LRRIQ3: variants seen among roughly 807,000 people sequenced by gnomAD.
LRRIQ3 encodes the protein leucine rich repeats and IQ motif containing 3.
In LRRIQ3, 75 loss-of-function variants were observed where a neutral mutation model predicts 59.3. The observed-to-expected ratio is 1.26, with a 90% confidence interval of 1.05 to 1.53. LRRIQ3 has a LOEUF of 1.53. LRRIQ3 is among the 40% of genes most tolerant of loss of function. LRRIQ3 has a pLI of 0.00. For synonymous variants in LRRIQ3, 250 were observed against 231.3 expected, an observed-to-expected ratio of 1.08 and a Z score of -0.73; for missense variants, 831 against 710.0, an observed-to-expected ratio of 1.17 and a Z score of -1.94.
At chr1:74,060,170 C>T (rs1654659873) in intron 6 of LRRIQ3, among the ~76,000 whole-genome samples, 2 of 150,228 alleles carry the variant, frequency 1.3e-5, no homozygotes, top group Admixed American at 1.3e-4. Flanking sequence ...TCTTCGTCGT[C>T]ATCTTCTTCT....
intron 4 of LRRIQ3, among the ~76,000 whole-genome samples, chr1:74,134,909 T>A (rs1466979589): frequency 6.6e-6 from 1 of 151,932 alleles, no homozygotes; most frequent in Non-Finnish European, 1.5e-5. Flanking sequence ...AAATAATAAT[T>A]TTAAATGAGA....
Position 74,139,071 on chromosome 1 carries a change from T to C in LRRIQ3, c.707+16662A>G, listed in dbSNP as rs182369251. Among the ~76,000 whole-genome samples the C allele has an allele frequency of 2.0e-3, 303 of 150,498 alleles. 1 individual carries two copies. The highest frequency in any genetic ancestry group is 5.7e-3 in the African/African-American group (232 of 40,952). ...GTATTTATGTGTATATATATATATA[T>C]ACACATATATGTATGTGTGTGTGTA... On this transcript the variant is annotated intron_variant, in intron 4 of 7. Transcript: ENST00000354431.
At chr1:74,173,973 G>T (rs988278739) in intron 3 of LRRIQ3, among the ~76,000 whole-genome samples, 6 of 151,986 alleles carry the variant, frequency 3.9e-5, no homozygotes, top group Admixed American at 3.3e-4. Flanking sequence ...CAGCCCACAA[G>T]GTTTCTGATG....
intron 4 of LRRIQ3, among the ~76,000 whole-genome samples, chr1:74,153,972 T>C (rs1264620181): frequency 6.6e-6 from 1 of 151,954 alleles, no homozygotes; most frequent in Non-Finnish European, 1.5e-5. Context: ...CTGGGCGCGG[T>C]AGTTCACGCT....
intron 3 of LRRIQ3, among the ~76,000 whole-genome samples, chr1:74,163,947 A>G (rs776788437): frequency 2.0e-5 from 3 of 151,264 alleles, no homozygotes; most frequent in Non-Finnish European, 3.0e-5. Context: ...AATAGTATGT[A>G]GTAATATCTC....
intron 3 of LRRIQ3, among the ~76,000 whole-genome samples, chr1:74,167,915 G>C (rs183554784): frequency 1.9e-4 from 29 of 151,980 alleles, no homozygotes; most frequent in African/African-American, 6.0e-4. Flanking sequence ...TTATCTTTCT[G>C]TCATCAGATA....
intron 4 of LRRIQ3, among the ~76,000 whole-genome samples, chr1:74,146,320 A>G (rs192791548): frequency 5.3e-5 from 8 of 152,324 alleles, no homozygotes; most frequent in African/African-American, 1.9e-4. Flanking sequence ...ATGTTAGTGT[A>G]CCATTATATA....
At chr1:74,054,932 A>G (rs1037514571) in intron 6 of LRRIQ3, among the ~76,000 whole-genome samples, 1 of 147,542 alleles carries the variant, frequency 6.8e-6, no homozygotes, top group Non-Finnish European at 1.5e-5. Flanking sequence ...GTATAATTGT[A>G]TTACATATTA....
intron 3 of LRRIQ3, chr1:74,180,621 C>T: frequency 8.7e-7 from 1 of 1,144,850 alleles, no homozygotes; most frequent in Non-Finnish European, 1.2e-6. Flanking sequence ...TCTCCTCTTT[C>T]CACACTCAGT....
At chr1:74,054,930 G>T (rs1202098860) in intron 6 of LRRIQ3, among the ~76,000 whole-genome samples, 2 of 145,582 alleles carry the variant, frequency 1.4e-5, no homozygotes, top group Non-Finnish European at 3.0e-5. Flanking sequence ...ATGTATAATT[G>T]TATTACATAT....
At position 74,081,275 on chromosome 1, in the gene LRRIQ3, G is replaced by A. The variant is rs189777152; in HGVS notation, c.868-6485C>T. On this transcript the variant is annotated intron_variant, in intron 5 of 7. Coordinates refer to ENST00000354431, the MANE Select transcript of LRRIQ3 (RefSeq NM_001105659.2). ...CACACAACTTAGCCAAGAAATGAGG[G>A]CACCTGAATATTATATTATGCTGCA... Among the ~76,000 whole-genome samples the A allele has an allele frequency of 2.5e-3, 374 of 151,554 alleles. 1 individual carries two copies. The highest frequency in any genetic ancestry group is 0.02 in the Middle Eastern group (6 of 294).
intron 2 of LRRIQ3, 51 bp downstream of exon 2, chr1:74,183,385 T>C: frequency 6.8e-7 from 1 of 1,471,400 alleles, no homozygotes; most frequent in Non-Finnish European, 9.1e-7. Context: ...GTACTTATTA[T>C]AAGACTGAAA....
intron 1 of LRRIQ3, among the ~76,000 whole-genome samples, chr1:74,187,485 A>G (rs1650478779): frequency 6.6e-6 from 1 of 152,090 alleles, no homozygotes; most frequent in Non-Finnish European, 1.5e-5. Flanking sequence ...TAACTCAGGA[A>G]TGGAAAACCA....
At chr1:74,196,482 C>T (rs538383564) in intron 1 of LRRIQ3, among the ~76,000 whole-genome samples, 7 of 152,244 alleles carry the variant, frequency 4.6e-5, no homozygotes, top group African/African-American at 1.2e-4. Context: ...GAATTCTAGA[C>T]TCGTATGTAT....
chr1:74,192,658 C>T (rs1210851882), intron 1 of LRRIQ3, among the ~76,000 whole-genome samples: 1 of 151,898 alleles, frequency 6.6e-6, no homozygotes, highest in African/African-American at 2.4e-5. Flanking sequence ...TATGTATTTG[C>T]CAGTATATAA....
At chr1:74,156,707 T>G (rs1648350534) in intron 3 of LRRIQ3, among the ~76,000 whole-genome samples, 1 of 152,162 alleles carries the variant, frequency 6.6e-6, no homozygotes, top group South Asian at 2.1e-4. Flanking sequence ...TTGTTGTAGC[T>G]TAACTAGAAT....
intron 6 of LRRIQ3, among the ~76,000 whole-genome samples, chr1:74,071,132 A>G (rs1243738995): frequency 1.3e-5 from 2 of 151,816 alleles, no homozygotes; most frequent in African/African-American, 4.8e-5. Flanking sequence ...GTATGTATAT[A>G]TAACTATCTA....
At chr1:74,183,330 A>G (rs1650125144) in intron 2 of LRRIQ3, 106 bp downstream of exon 2, 1 of 1,005,188 alleles carries the variant, frequency 9.9e-7, no homozygotes. Context: ...TTTATATTTT[A>G]GACAAAAGAC....
Position 74,169,716 on chromosome 1 carries a change from T to C in LRRIQ3, c.573+12822A>G, listed in dbSNP as rs193071129. ...ACAAGTGCACGCCACACCTGGTTAA[T>C]TTCTTAAATTTTTTGTAGAGACAGG... is the stretch of plus-strand genomic sequence containing the variant. On this transcript the variant is annotated intron_variant, in intron 3 of 7. Transcript: ENST00000354431. Among the ~76,000 whole-genome samples the C allele has an allele frequency of 1.6e-3, 238 of 152,146 alleles. 1 individual carries two copies. Among genetic ancestry groups the C allele is most frequent in the African/African-American group, 5.1e-3 (210 of 41,524 alleles).
Sources: allele counts gnomAD v4.1 joint callset (sites outside exome capture counted in the v4.1 genomes callset), GRCh38; gene constraint gnomAD v4.1.1; transcripts MANE v1.5; gene names NCBI Gene and HGNC (gene_info 2026-07-23, HGNC 2026-07-21).